IARS1: variants seen among roughly 807,000 people sequenced by gnomAD.
IARS1 encodes isoleucine--tRNA ligase, cytoplasmic.
In IARS1, 124 loss-of-function variants were observed where a neutral mutation model predicts 168.2. The observed-to-expected ratio is 0.74, with a 90% confidence interval of 0.64 to 0.86. The LOEUF (loss-of-function observed/expected upper bound fraction) is 0.86, where lower values mean the gene tolerates loss of function less well. Ranked by LOEUF, IARS1 falls within the 40% of genes least tolerant of loss-of-function variation. IARS1 has a pLI of 0.00. For synonymous variants in IARS1, 532 were observed against 529.4 expected, an observed-to-expected ratio of 1.00 and a Z score of -0.07; for missense variants, 1,452 against 1,515.8, an observed-to-expected ratio of 0.96 and a Z score of 0.70.
chr9:92,269,367 G>A (rs1415987702), intron 13 of IARS1, among the ~76,000 whole-genome samples: 1 of 152,162 alleles, frequency 6.6e-6, no homozygotes, highest in Non-Finnish European at 1.5e-5. Context: ...TGTACCCAGA[G>A]GCTGAAATGA....
intron 6 of IARS1, among the ~76,000 whole-genome samples, chr9:92,281,597 A>T (rs2133948107): frequency 6.6e-6 from 1 of 152,350 alleles, no homozygotes; most frequent in South Asian, 2.1e-4. Flanking sequence ...CTACTGAAGC[A>T]ACACATACTT....
chr9:92,227,521 G>A (rs1385039360), intron 31 of IARS1, among the ~76,000 whole-genome samples: 4 of 151,072 alleles, frequency 2.6e-5, no homozygotes, highest in South Asian at 2.1e-4. Context: ...GGGCAGAGGC[G>A]CCCCTCACCT....
At chr9:92,271,969 A>G (rs902722886) in intron 10 of IARS1, among the ~76,000 whole-genome samples, 1 of 152,254 alleles carries the variant, frequency 6.6e-6, no homozygotes, top group Non-Finnish European at 1.5e-5. Flanking sequence ...GTAAAGCAAT[A>G]AAGAATGGCT....
At chr9:92,247,259 G>A (rs952659603) in intron 26 of IARS1, 118 bp downstream of exon 26, 2 of 839,168 alleles carry the variant, frequency 2.4e-6, no homozygotes, top group Non-Finnish European at 3.8e-6. Flanking sequence ...GACAGGACAC[G>A]ACGGGACACG....
chr9:92,288,344 T>C, intron 2 of IARS1, 62 bp from the exon 3 acceptor site: 1 of 1,396,560 alleles, frequency 7.2e-7, no homozygotes, highest in Non-Finnish European at 1.0e-6. Context: ...GGCATTTTTC[T>C]ATAGATAGCT....
intron 33 of IARS1, among the ~76,000 whole-genome samples, chr9:92,212,204 G>C (rs528029720): frequency 1.3e-5 from 2 of 152,160 alleles, no homozygotes; most frequent in Admixed American, 6.5e-5. Flanking sequence ...GACATCTAAG[G>C]GTTTCTAAAA....
intron 31 of IARS1, among the ~76,000 whole-genome samples, chr9:92,225,369 T>G (rs558453902): frequency 6.6e-6 from 1 of 152,334 alleles, no homozygotes; most frequent in Non-Finnish European, 1.5e-5. Context: ...TTTTCCACTC[T>G]CTTATTTCCT....
intron 21 of IARS1, 149 bp downstream of exon 21, chr9:92,253,213 T>C: frequency 1.5e-6 from 1 of 648,680 alleles, no homozygotes; most frequent in East Asian, 2.7e-5. Flanking sequence ...CAAATATAGT[T>C]AAAATGCAAT....
intron 32 of IARS1, among the ~76,000 whole-genome samples, chr9:92,223,118 T>C (rs548811150): frequency 2.0e-5 from 3 of 152,338 alleles, no homozygotes; most frequent in Non-Finnish European, 4.4e-5. Context: ...AACAATTTAG[T>C]TGTAATTTTT....
chr9:92,257,776 C>T (rs958614107), intron 19 of IARS1, among the ~76,000 whole-genome samples: 4 of 152,314 alleles, frequency 2.6e-5, no homozygotes, highest in Admixed American at 2.6e-4. Flanking sequence ...AATAATATCT[C>T]ATTTTCATTC....
intron 6 of IARS1, among the ~76,000 whole-genome samples, chr9:92,283,254 C>T (rs1834919301): frequency 1.3e-5 from 2 of 152,186 alleles, no homozygotes; most frequent in African/African-American, 4.8e-5. Context: ...AGAATGGTGA[C>T]AAAATTGAGA....
intron 30 of IARS1, among the ~76,000 whole-genome samples, chr9:92,233,737 G>A (rs1351894009): frequency 6.6e-6 from 1 of 152,040 alleles, no homozygotes; most frequent in African/African-American, 2.4e-5. Flanking sequence ...CAGTATACAA[G>A]TCCCAACATG....
chr9:92,277,968 T>G (rs1227977152), intron 8 of IARS1, 45 bp from the exon 9 acceptor site: 1 of 1,563,464 alleles, frequency 6.4e-7, no homozygotes, highest in African/African-American at 1.4e-5. Flanking sequence ...TAAAATCAAA[T>G]ATGAGGCTGC....
intron 25 of IARS1, among the ~76,000 whole-genome samples, chr9:92,249,095 G>A (rs1366233593): frequency 3.3e-5 from 5 of 152,142 alleles, no homozygotes; most frequent in South Asian, 4.1e-4. Flanking sequence ...GTCAAACAAC[G>A]GGACAGTAAT....
intron 25 of IARS1, among the ~76,000 whole-genome samples, chr9:92,249,144 G>T (rs1374802582): frequency 6.6e-6 from 1 of 152,204 alleles, no homozygotes; most frequent in Non-Finnish European, 1.5e-5. Flanking sequence ...GAGACTCCAG[G>T]GAGAAATGGG....
At chr9:92,255,723 G>A (rs1393551730) in intron 20 of IARS1, among the ~76,000 whole-genome samples, 2 of 152,042 alleles carry the variant, frequency 1.3e-5, no homozygotes, top group African/African-American at 4.8e-5. Flanking sequence ...TATGTAAATC[G>A]TCTCTACTTA....
intron 12 of IARS1, among the ~76,000 whole-genome samples, chr9:92,270,260 C>T (rs893065867): frequency 6.6e-6 from 1 of 152,194 alleles, no homozygotes; most frequent in East Asian, 1.9e-4. Context: ...AACTTCAACA[C>T]AGAAGAGGCA....
chr9:92,279,225 A>T (rs567916730), intron 7 of IARS1, among the ~76,000 whole-genome samples: 2 of 152,306 alleles, frequency 1.3e-5, no homozygotes, highest in South Asian at 4.1e-4. Flanking sequence ...GCCACTCCCT[A>T]GCTCTGACCT....
At chr9:92,271,227 A>G in intron 11 of IARS1, 151 bp from the exon 12 acceptor site, 1 of 610,756 alleles carries the variant, frequency 1.6e-6, no homozygotes, top group South Asian at 2.8e-5. Flanking sequence ...GTAATTTTCA[A>G]GTACATTCCA....
Sources: gnomAD v4.1 joint callset for allele counts (sites outside exome capture counted in the v4.1 genomes callset) on GRCh38, gnomAD v4.1.1 for gene constraint, MANE v1.5 for transcripts, NCBI Gene and HGNC (gene_info 2026-07-23, HGNC 2026-07-21) for gene names.